ADGRL3: variants seen among roughly 807,000 people sequenced by gnomAD.
ADGRL3 encodes the protein calcium-independent alpha-latrotoxin receptor 3.
A neutral mutation model predicts 153.5 loss-of-function variants in ADGRL3; 62 were observed. The observed-to-expected ratio is 0.40, with a 90% CI of 0.33 to 0.50. The LOEUF (loss-of-function observed/expected upper bound fraction) is 0.50. Ranked by LOEUF, ADGRL3 falls within the 20% of genes least tolerant of loss-of-function variation. The pLI is 0.47. For synonymous variants in ADGRL3, 710 were observed against 672.5 expected (o/e 1.06, Z -0.86); for missense variants, 1,641 against 1,859.4 (o/e 0.88, Z 2.16).
intron 8 of ADGRL3, among the ~76,000 whole-genome samples, chr4:61,739,549 T>C (rs1481203806): frequency 1.3e-5 from 2 of 152,254 alleles, no homozygotes; most frequent in Non-Finnish European, 2.9e-5. Context: ...GACTGTTGAA[T>C]GATTAAATGG....
intron 1 of ADGRL3, among the ~76,000 whole-genome samples, chr4:61,272,734 A>T (rs1306645846): frequency 6.6e-6 from 1 of 152,172 alleles, no homozygotes; most frequent in Non-Finnish European, 1.5e-5. Context: ...AAACTATTGA[A>T]TTAATTTTGA....
chr4:61,788,602 A>G (rs2097304512), intron 8 of ADGRL3, among the ~76,000 whole-genome samples: 1 of 152,206 alleles, frequency 6.6e-6, no homozygotes, highest in Non-Finnish European at 1.5e-5. Flanking sequence ...CAGAAAAACA[A>G]TTCTGGTAAT....
intron 6 of ADGRL3, among the ~76,000 whole-genome samples, chr4:61,690,629 G>A (rs2095523282): frequency 6.6e-6 from 1 of 152,086 alleles, no homozygotes; most frequent in Non-Finnish European, 1.5e-5. Flanking sequence ...CAAGGTAACA[G>A]GGAAGGATCA....
chr4:61,993,164 T>TTGTGTGTGTG (rs3065140), intron 19 of ADGRL3, among the ~76,000 whole-genome samples: 3,246 of 138,428 alleles, frequency 0.023, 63 homozygotes, highest in Middle Eastern at 0.072. Flanking sequence ...TGGGCTGCAG[T>TTGTGTGTGTG]TGTGTGTGTG....
At chr4:61,511,742 C>T (rs565708967) in intron 3 of ADGRL3, among the ~76,000 whole-genome samples, 5 of 152,172 alleles carry the variant, frequency 3.3e-5, no homozygotes, top group East Asian at 3.9e-4. Flanking sequence ...TCATGATACA[C>T]GGGAGGACAA....
intron 4 of ADGRL3, among the ~76,000 whole-genome samples, chr4:61,561,877 C>T (rs555703519): frequency 6.6e-6 from 1 of 151,950 alleles, no homozygotes; most frequent in Non-Finnish European, 1.5e-5. Flanking sequence ...AAGCCTTAAG[C>T]AATCGTACCA....
At chr4:61,214,618 T>C (rs548909862) in intron 1 of ADGRL3, among the ~76,000 whole-genome samples, 5 of 152,274 alleles carry the variant, frequency 3.3e-5, no homozygotes, top group Non-Finnish European at 5.9e-5. Context: ...GTAACCTCAG[T>C]TAGAGATCTG....
At chr4:61,494,325 G>T (rs913888178) in intron 2 of ADGRL3, among the ~76,000 whole-genome samples, 2 of 151,940 alleles carry the variant, frequency 1.3e-5, no homozygotes, top group Admixed American at 1.3e-4. Context: ...TACATCTCCT[G>T]ATACCAACTT....
At chr4:61,813,694 TA>T in intron 8 of ADGRL3, 114 bp from the exon 9 acceptor site, 1 of 1,235,206 alleles carries the variant, frequency 8.1e-7, no homozygotes, top group Non-Finnish European at 1.1e-6. Context: ...GTCTACTCTT[TA>T]ATTTAGGCTA....
chr4:62,064,413 A>G (rs1577737038), intron 25 of ADGRL3, among the ~76,000 whole-genome samples: 3 of 152,100 alleles, frequency 2.0e-5, no homozygotes, highest in South Asian at 4.1e-4. Context: ...ACCTTTCCCG[A>G]GTATAAAAAT....
chr4:61,409,016 A>T (rs2152238160), intron 2 of ADGRL3, among the ~76,000 whole-genome samples: 1 of 151,702 alleles, frequency 6.6e-6, no homozygotes, highest in African/African-American at 2.4e-5. Context: ...GTCATCAAAA[A>T]CAATCATTTT....
intron 25 of ADGRL3, among the ~76,000 whole-genome samples, chr4:62,047,798 G>A (rs1353901305): frequency 1.3e-5 from 2 of 151,966 alleles, no homozygotes; most frequent in Non-Finnish European, 2.9e-5. Context: ...AACTTGTTTG[G>A]CACAATGTTA....
intron 2 of ADGRL3, among the ~76,000 whole-genome samples, chr4:61,387,858 A>T (rs1362916016): frequency 6.6e-6 from 1 of 152,180 alleles, no homozygotes; most frequent in Non-Finnish European, 1.5e-5. Flanking sequence ...AGGAAATCAC[A>T]AGGGTATTGA....
intron 17 of ADGRL3, among the ~76,000 whole-genome samples, chr4:61,959,555 A>G (rs571017500): frequency 6.6e-6 from 1 of 152,068 alleles, no homozygotes; most frequent in African/African-American, 2.4e-5. Flanking sequence ...TGTAGGATTG[A>G]TTCAAAACAG....
At chr4:61,211,551 T>C (rs1190524857) in intron 1 of ADGRL3, 1 of 152,206 alleles carries the variant, frequency 6.6e-6, no homozygotes, top group Admixed American at 6.5e-5. Context: ...TGAATAGTTA[T>C]TTAATAACTG....
At chr4:61,757,833 T>A (rs1462262717) in intron 8 of ADGRL3, among the ~76,000 whole-genome samples, 1 of 152,210 alleles carries the variant, frequency 6.6e-6, no homozygotes, top group Non-Finnish European at 1.5e-5. Context: ...TTTTTTCTCG[T>A]TGATTTCAAA....
At chr4:61,919,910 A>G (rs981827393) in intron 13 of ADGRL3, among the ~76,000 whole-genome samples, 3 of 152,174 alleles carry the variant, frequency 2.0e-5, no homozygotes, top group East Asian at 1.9e-4. Flanking sequence ...TTGTATATAC[A>G]TGGTTTGTGA....
At chr4:61,772,893 C>A (rs2097102878) in intron 8 of ADGRL3, among the ~76,000 whole-genome samples, 1 of 152,092 alleles carries the variant, frequency 6.6e-6, no homozygotes, top group African/African-American at 2.4e-5. Context: ...CCCATGTTTT[C>A]CTACCTTGTA....
At chr4:61,908,613 A>G (rs2098707641) in intron 11 of ADGRL3, among the ~76,000 whole-genome samples, 1 of 151,952 alleles carries the variant, frequency 6.6e-6, no homozygotes. Flanking sequence ...CGCCTCAAAA[A>G]AAAAAAAAAA....
Sources: allele counts gnomAD v4.1 joint callset (sites outside exome capture counted in the v4.1 genomes callset), GRCh38; gene constraint gnomAD v4.1.1; transcripts MANE v1.5; gene names NCBI Gene and HGNC (gene_info 2026-07-23, HGNC 2026-07-21).